Variants in PROX1 observed in about 807,000 individuals in gnomAD.
The protein encoded by PROX1 is prospero homeobox protein 1.
PROX1 carries 7 observed loss-of-function variants against 58.8 expected under a neutral mutation model. The ratio of observed to expected loss-of-function variants is 0.12; its 90% CI spans 0.07 to 0.22. PROX1 has a LOEUF of 0.22. PROX1 is among the 10% of genes least tolerant of loss of function. The probability of loss-of-function intolerance (pLI) is 1.00; values close to 1 mark genes in which losing one functional copy is unlikely to be tolerated. For synonymous variants in PROX1, 350 were observed against 358.3 expected (o/e 0.98, Z 0.26); for missense variants, 675 against 927.8 (o/e 0.73, Z 3.54).
chr1:214,024,936 CAG>C (rs1664402172), intron 4 of PROX1, among the ~76,000 whole-genome samples: 1 of 152,190 alleles, frequency 6.6e-6, no homozygotes, highest in African/African-American at 2.4e-5. Flanking sequence ...GTCTTGAACT[CAG>C]ACACCAATGG....
chr1:214,013,652 G>T (rs1302618013), intron 4 of PROX1, among the ~76,000 whole-genome samples: 1 of 152,168 alleles, frequency 6.6e-6, no homozygotes, highest in Non-Finnish European at 1.5e-5. Context: ...ACAAACAGGG[G>T]ATGGCTGGCA....
chr1:213,993,130 T>C (rs540862773), intron 1 of PROX1, among the ~76,000 whole-genome samples: 6 of 152,206 alleles, frequency 3.9e-5, no homozygotes, highest in Non-Finnish European at 7.3e-5. Context: ...TACGAAGTGA[T>C]GCAACAAAAT....
intron 4 of PROX1, among the ~76,000 whole-genome samples, chr1:214,014,906 T>C (rs1394575067): frequency 6.6e-6 from 1 of 152,170 alleles, no homozygotes; most frequent in East Asian, 1.9e-4. Context: ...CTCTCAAGGC[T>C]GGAGAGGCTG....
At chr1:213,994,233 G>C (rs1663144019) in intron 1 of PROX1, among the ~76,000 whole-genome samples, 1 of 152,206 alleles carries the variant, frequency 6.6e-6, no homozygotes, top group Admixed American at 6.5e-5. Context: ...TCCAGTTTGG[G>C]TGTTAGGGTG....
chr1:214,038,412 C>T lies in PROX1; in HGVS notation c.*2578C>T, dbSNP rs1664898795. On this transcript the variant is annotated 3_prime_UTR_variant, in exon 5 of 5. Transcript: ENST00000366958. ...TTGATTTTTTTTTTTTAATCACCAT[C>T]TTTCAAATCTTAGCTCAACTCTCAC... 1 of 151,446 alleles carries T rather than the reference C, an allele frequency of 6.6e-6. No individual in the cohort carries two copies. Among genetic ancestry groups the T allele is most frequent in the Admixed American group, 6.6e-5 (1 of 15,210 alleles). 9.4% of individuals were successfully genotyped at this position (151,446 alleles called of 1,614,324 possible).
chr1:214,031,085 G>GCA (rs1664640284), intron 4 of PROX1, among the ~76,000 whole-genome samples: 1 of 151,450 alleles, frequency 6.6e-6, no homozygotes, highest in Non-Finnish European at 1.5e-5. Flanking sequence ...GCGCATTCGC[G>GCA]CACGCACACA....
At chr1:214,028,184 C>G (rs978074434) in intron 4 of PROX1, among the ~76,000 whole-genome samples, 17 of 152,106 alleles carry the variant, frequency 1.1e-4, no homozygotes, top group African/African-American at 3.9e-4. Flanking sequence ...GGTAACTCGG[C>G]AGGCACCCGA....
Position 213,996,747 on chromosome 1 carries a change from G to A in PROX1, c.212G>A (p.Arg71His), listed in dbSNP as rs760331177. The change falls in exon 2 of 5, where the codon CGC becomes CAC. Residue 71 changes from arginine to histidine, a missense_variant. Coordinates refer to ENST00000366958, the MANE Select transcript of PROX1 (RefSeq NM_001270616.2). ...HADGEKSNVL[R>H]KLLKRANSYE... ...GATGGGGAAAAGTCAAATGTACTCCGCAAGCTGCTGAAGAGGGCGAACTCG... is the reference window on the plus strand; with the variant it reads ...GATGGGGAAAAGTCAAATGTACTCCACAAGCTGCTGAAGAGGGCGAACTCG... The A allele has an allele frequency of 1.9e-6, 3 of 1,614,146 alleles. No homozygotes were observed. The highest frequency in any genetic ancestry group is 4.5e-5 in the East Asian group (2 of 44,876).
At chr1:214,016,375 G>T (rs1664095623) in intron 4 of PROX1, among the ~76,000 whole-genome samples, 1 of 152,152 alleles carries the variant, frequency 6.6e-6, no homozygotes, top group African/African-American at 2.4e-5. Context: ...GAAAAATGAG[G>T]ACAGGTGGAT....
intron 4 of PROX1, among the ~76,000 whole-genome samples, chr1:214,021,664 A>G (rs777501340): frequency 5.9e-5 from 9 of 152,246 alleles, no homozygotes; most frequent in Non-Finnish European, 1.2e-4. Context: ...TGCCTTGTGC[A>G]CACCCAATGG....
In PROX1 at chr1:213,997,296, A is replaced by G; in HGVS notation, c.761A>G (p.Gln254Arg). 1 of 1,614,144 alleles carries G rather than the reference A, an allele frequency of 6.2e-7. No individual in the cohort carries two copies. Among genetic ancestry groups the G allele is most frequent in the Non-Finnish European group, 8.5e-7 (1 of 1,180,022 alleles). The change falls in exon 2 of 5, where the codon CAG becomes CGG. Residue 254 changes from glutamine to arginine, a missense_variant. Transcript: ENST00000366958. This position sits in a 1 kb window ranked among gnomAD's most constrained non-coding sequence, Gnocchi z 7.1. ...ATGCAGAAACAGCTGCGCCAGCTGC[A>G]GGAAAAGTTCTACCAAATCTATGAC... ...EDMQKQLRQL[Q>R]EKFYQIYDST... is the part of the protein sequence containing the mutation.
chr1:214,010,958 T>C (rs936944959), intron 3 of PROX1, among the ~76,000 whole-genome samples: 3 of 152,102 alleles, frequency 2.0e-5, no homozygotes, highest in African/African-American at 7.2e-5. Context: ...GGAATCACAG[T>C]TGGATGGACA....
In PROX1 at chr1:214,039,330, A is replaced by C. The variant is rs1473692461; in HGVS notation, c.*3496A>C. ...TAATTATTTAAGTAAACGTTCACCC[A>C]CATATTCCTGAAGTTTGCTTTGTGC... On this transcript the variant is annotated 3_prime_UTR_variant, in exon 5 of 5. Transcript: ENST00000366958. 1 of 152,196 alleles carries C rather than the reference A, an allele frequency of 6.6e-6. No homozygotes were observed. The highest frequency in any genetic ancestry group is 1.5e-5 in the Non-Finnish European group (1 of 68,034). 9.4% of individuals were successfully genotyped at this position (152,196 alleles called of 1,614,324 possible). A position where few individuals can be genotyped will look rare whatever the true frequency, so the allele number is the denominator to read the frequency against.
Position 214,005,279 on chromosome 1 carries a change from A to G in PROX1, c.1833+7A>G. 1.3e-6 allele frequency: 2 copies of G among 1,591,038 alleles called. No homozygotes were observed. Among genetic ancestry groups the G allele is most frequent in the Non-Finnish European group, 1.7e-6 (2 of 1,163,336 alleles). On this transcript the variant is annotated splice_region_variant and intron_variant, in intron 3 of 4. Transcript: ENST00000366958. Reference sequence around the variant, plus strand: ...CTACTTCTCCGACGTAAAGGTAGGGACTTTTTTTATTCTTAATTTTTTCAT... The same window carrying G: ...CTACTTCTCCGACGTAAAGGTAGGGGCTTTTTTTATTCTTAATTTTTTCAT...
chr1:213,983,523 C>T (rs1662750566), upstream of PROX1, among the ~76,000 whole-genome samples: 1 of 152,254 alleles, frequency 6.6e-6, no homozygotes, highest in Admixed American at 6.5e-5. Context: ...AAGGTGTCCC[C>T]TTCACACTCA....
chr1:213,984,002 T>C (rs1450691544), upstream of PROX1: 1 of 152,244 alleles, frequency 6.6e-6, no homozygotes, highest in Admixed American at 6.5e-5. Context: ...CAGCCCTCCA[T>C]GTGCTCACCA....
At chr1:214,018,235 TTGTC>T (rs1201964562) in intron 4 of PROX1, among the ~76,000 whole-genome samples, 2 of 152,226 alleles carry the variant, frequency 1.3e-5, no homozygotes, top group Admixed American at 1.3e-4. Flanking sequence ...GTTTGGTTCT[TTGTC>T]AGTCACAGGG....
At chr1:213,987,744 G>A (rs1038239172), upstream of PROX1, 1 of 143,398 alleles carries the variant, frequency 7.0e-6, no homozygotes, top group Non-Finnish European at 1.6e-5. Flanking sequence ...AGGCCGGGGA[G>A]GGGGAGCGCA....
upstream of PROX1, chr1:213,987,807 T>G (rs1299142575): frequency 6.8e-6 from 1 of 146,500 alleles, no homozygotes; most frequent in East Asian, 2.2e-4. Flanking sequence ...CCCTTTTATA[T>G]TTTTTTTTCC....
Sources: gnomAD v4.1 joint callset for allele counts (sites outside exome capture counted in the v4.1 genomes callset) on GRCh38, gnomAD v4.1.1 for gene constraint, Gnocchi (gnomAD v3.1) non-coding constraint, MANE v1.5 for transcripts, NCBI Gene and HGNC (gene_info 2026-07-23, HGNC 2026-07-21) for gene names.